Variants in CAMK1D observed in about 807,000 individuals in gnomAD.
CAMK1D encodes the protein calcium/calmodulin dependent protein kinase ID, also known as calcium/calmodulin-dependent protein kinase type 1D.
Under a neutral mutation model 47.7 loss-of-function variants are expected in CAMK1D, and 9 were observed. The observed-to-expected ratio is 0.19, with a 90% CI of 0.11 to 0.33. The LOEUF (loss-of-function observed/expected upper bound fraction) is 0.33. CAMK1D is among the 10% of genes least tolerant of loss of function. The probability of loss-of-function intolerance (pLI) is 1.00; values close to 1 mark genes in which losing one functional copy is unlikely to be tolerated. For synonymous variants in CAMK1D, 184 were observed against 184.9 expected (o/e 0.99, Z 0.04); for missense variants, 291 against 488.7 (o/e 0.60, Z 3.81).
chr10:12,756,462 A>G (rs2130891366), intron 3 of CAMK1D, among the ~76,000 whole-genome samples: 1 of 152,346 alleles, frequency 6.6e-6, no homozygotes, highest in South Asian at 2.1e-4. Context: ...AAATGATGTT[A>G]TGTTTTTTGA....
chr10:12,553,654 G>A (rs571517227), intron 2 of CAMK1D, among the ~76,000 whole-genome samples: 14 of 152,296 alleles, frequency 9.2e-5, no homozygotes, highest in African/African-American at 3.4e-4. Context: ...GCCGGCTACA[G>A]AGCCCTGAGT....
At chr10:12,671,642 TACAC>T (rs775262498) in intron 3 of CAMK1D, among the ~76,000 whole-genome samples, 3 of 151,716 alleles carry the variant, frequency 2.0e-5, no homozygotes, top group African/African-American at 4.8e-5. Context: ...TATACACGTA[TACAC>T]ACACACATAT....
intron 1 of CAMK1D, among the ~76,000 whole-genome samples, chr10:12,527,368 T>C (rs1207672495): frequency 1.3e-5 from 2 of 148,368 alleles, no homozygotes; most frequent in Non-Finnish European, 3.0e-5. Context: ...TTTTTTTTTT[T>C]TTTTGAGAGG....
intron 1 of CAMK1D, among the ~76,000 whole-genome samples, chr10:12,521,209 T>C (rs1835405961): frequency 6.6e-6 from 1 of 152,164 alleles, no homozygotes. Flanking sequence ...AAGTGAAATG[T>C]TATATGTTTG....
rs116900927 is a variant in CAMK1D at position 12,396,878 on chromosome 10, G to A, written c.92+46968G>A. 8.9e-4 allele frequency among the ~76,000 whole-genome samples: 136 copies of A among 152,296 alleles called. 3 individuals are homozygous for A. In the East Asian group the frequency reaches 0.02, roughly 23 times the overall value. On this transcript the variant is annotated intron_variant, in intron 1 of 10. Transcript: ENST00000619168. ...TGAGGTTTGGGTTTTTAACTCAGTC[G>A]TAAGGAGCTGAATGAGGGGCCCAGG...
At chr10:12,685,912 C>T (rs1329390416) in intron 3 of CAMK1D, among the ~76,000 whole-genome samples, 1 of 152,182 alleles carries the variant, frequency 6.6e-6, no homozygotes, top group Non-Finnish European at 1.5e-5. Context: ...CTTTTCTGCT[C>T]TGCCCTTCAA....
chr10:12,768,731 T>A (rs928875847), intron 4 of CAMK1D, among the ~76,000 whole-genome samples: 4 of 149,688 alleles, frequency 2.7e-5, no homozygotes, highest in African/African-American at 9.8e-5. Context: ...TGCAGGCTCC[T>A]CTTTGTGTTC....
intron 2 of CAMK1D, among the ~76,000 whole-genome samples, chr10:12,561,488 G>A (rs917188696): frequency 8.6e-5 from 13 of 151,632 alleles, no homozygotes; most frequent in South Asian, 4.2e-4. Flanking sequence ...TCAGAGTCCC[G>A]CCTTATTTAG....
chr10:12,390,969 A>C (rs1838702857), intron 1 of CAMK1D, among the ~76,000 whole-genome samples: 1 of 152,056 alleles, frequency 6.6e-6, no homozygotes, highest in Admixed American at 6.6e-5. Context: ...GGGTCAACTA[A>C]TGTGCTCAGA....
intron 1 of CAMK1D, among the ~76,000 whole-genome samples, chr10:12,402,928 C>G (rs553974763): frequency 6.6e-6 from 1 of 151,976 alleles, no homozygotes; most frequent in East Asian, 1.9e-4. Flanking sequence ...TTGGAGAGAC[C>G]TCAGCCTGGA....
intron 1 of CAMK1D, among the ~76,000 whole-genome samples, chr10:12,504,249 C>CACACACACACACACACACACATCTAGG (rs1554779055): frequency 6.6e-5 from 10 of 151,696 alleles, no homozygotes; most frequent in African/African-American, 1.9e-4. Flanking sequence ...CACACACACA[C>CACACACACACACACACACACATCTAGG]ATCTAGGAGC....
At chr10:12,558,910 T>C (rs529377152) in intron 2 of CAMK1D, among the ~76,000 whole-genome samples, 1 of 152,314 alleles carries the variant, frequency 6.6e-6, no homozygotes, top group Admixed American at 6.5e-5. Flanking sequence ...TCTATCTGGG[T>C]ACACTGAGGA....
intron 1 of CAMK1D, among the ~76,000 whole-genome samples, chr10:12,492,225 G>C (rs1006364458): frequency 6.6e-6 from 1 of 151,954 alleles, no homozygotes; most frequent in African/African-American, 2.4e-5. Flanking sequence ...TGCCCTTCAC[G>C]GTGCCAGGTT....
In CAMK1D at chr10:12,621,091, C is replaced by A. The variant is rs1426709623; in HGVS notation, c.225-45645C>A. 3.9e-5 allele frequency among the ~76,000 whole-genome samples: 6 copies of A among 152,204 alleles called. No individual in the cohort carries two copies. The East Asian group carries it at 1.2e-3, about 29-fold the overall frequency. On this transcript the variant is annotated intron_variant, in intron 2 of 10. Coordinates refer to ENST00000619168, the MANE Select transcript of CAMK1D (RefSeq NM_153498.4). Reference sequence around the variant, plus strand: ...TTGCTTTTGCATCTTTATCAAAACTCATTTGGGCTTAGACATATGGGTTTA... The same window carrying A: ...TTGCTTTTGCATCTTTATCAAAACTAATTTGGGCTTAGACATATGGGTTTA...
chr10:12,545,528 G>A (rs1436428548), intron 1 of CAMK1D, among the ~76,000 whole-genome samples: 2 of 149,594 alleles, frequency 1.3e-5, no homozygotes, highest in African/African-American at 4.9e-5. Flanking sequence ...TTAGCCGGGC[G>A]CAGTGGCTCA....
intron 3 of CAMK1D, among the ~76,000 whole-genome samples, chr10:12,694,544 T>A (rs1833171129): frequency 8.8e-6 from 1 of 113,384 alleles, no homozygotes; most frequent in African/African-American, 3.3e-5. Context: ...ATGTATAAAA[T>A]ATATATTATA....
intron 1 of CAMK1D, among the ~76,000 whole-genome samples, chr10:12,426,386 A>AATC (rs1840229617): frequency 6.6e-6 from 1 of 152,028 alleles, no homozygotes; most frequent in African/African-American, 2.4e-5. Context: ...AGCTGGGATT[A>AATC]CAGGCATGCG....
intron 2 of CAMK1D, among the ~76,000 whole-genome samples, chr10:12,589,857 A>G (rs2132358303): frequency 6.6e-6 from 1 of 152,304 alleles, no homozygotes; most frequent in South Asian, 2.1e-4. Context: ...AACATCTTGT[A>G]AAATACAGAG....
intron 3 of CAMK1D, among the ~76,000 whole-genome samples, chr10:12,681,519 G>T (rs1832434344): frequency 6.6e-6 from 1 of 152,272 alleles, no homozygotes; most frequent in Non-Finnish European, 1.5e-5. Context: ...AGTGGCAGCT[G>T]CTGAAAACTG....
Sources: gnomAD v4.1 joint callset for allele counts (sites outside exome capture counted in the v4.1 genomes callset) on GRCh38, gnomAD v4.1.1 for gene constraint, MANE v1.5 for transcripts, NCBI Gene and HGNC (gene_info 2026-07-23, HGNC 2026-07-21) for gene names.